Variants in ARHGAP6 observed in about 807,000 individuals in gnomAD.
ARHGAP6 encodes the protein Rho GTPase activating protein 6.
Under a neutral mutation model 55.7 loss-of-function variants are expected in ARHGAP6, and 16 were observed. The ratio of observed to expected loss-of-function variants is 0.29; its 90% CI spans 0.19 to 0.44. ARHGAP6 has a LOEUF of 0.44. Ranked by LOEUF, ARHGAP6 falls within the 20% of genes least tolerant of loss-of-function variation. ARHGAP6 has a pLI of 1.00. For synonymous variants in ARHGAP6, 382 were observed against 360.9 expected (o/e 1.06, Z -0.66); for missense variants, 698 against 808.9 (o/e 0.86, Z 1.66).
Position 11,254,666 on chromosome X carries a change from C to T in ARHGAP6, c.630G>A (p.Arg210=). 8.3e-7 allele frequency: 1 copy of T among 1,202,573 alleles called. No individual in the cohort carries two copies. Among genetic ancestry groups the T allele is most frequent in the Non-Finnish European group, 1.1e-6 (1 of 892,249 alleles). The change falls in exon 2 of 13, where the codon CGG becomes CGA. Residue 210 remains arginine, a synonymous_variant. Coordinates refer to ENST00000337414, the MANE Select transcript of ARHGAP6 (RefSeq NM_013427.3). The stretch of plus-strand genomic sequence containing the variant: ...GACTCTGGATGGGGACTGACCTCAG[C>T]CGTACACTGCGGCCTGACATGCTGT... ...TWNSMSGRSV[R]LRSVPIQSLS... is the part of the protein sequence containing the mutation.
rs144173586 is a variant in ARHGAP6, at chrX:11,382,934, A to G, written c.589-128227T>C. On this transcript the variant is annotated intron_variant, in intron 1 of 12. Coordinates refer to ENST00000337414, the MANE Select transcript of ARHGAP6 (RefSeq NM_013427.3). ...CTGTTAGAAATTTACCTCAATGGAGAAGTGGATGTGGCATCTCTAGTCACA... is the reference window on the plus strand; with the variant it reads ...CTGTTAGAAATTTACCTCAATGGAGGAGTGGATGTGGCATCTCTAGTCACA... 1.4e-3 allele frequency among the ~76,000 whole-genome samples: 162 copies of G among 112,493 alleles called. 2 individuals carry two copies. The highest frequency in any genetic ancestry group is 9.2e-3 in the Middle Eastern group (2 of 218).
chrX:11,472,997 G>A (rs1035257379), intron 1 of ARHGAP6, among the ~76,000 whole-genome samples: 1 of 110,867 alleles, frequency 9.0e-6, no homozygotes, highest in Non-Finnish European at 1.9e-5. Flanking sequence ...ACCCCTGACC[G>A]CTGCCCTAGT....
intron 1 of ARHGAP6, among the ~76,000 whole-genome samples, chrX:11,614,400 A>C (rs2052138851): frequency 9.0e-6 from 1 of 111,731 alleles, no homozygotes; most frequent in South Asian, 3.8e-4. Flanking sequence ...CCATTCATGG[A>C]GGAAGGTGAA....
At chrX:11,347,088 A>G (rs778636925) in intron 1 of ARHGAP6, among the ~76,000 whole-genome samples, 1 of 112,610 alleles carries the variant, frequency 8.9e-6, no homozygotes, top group Admixed American at 9.4e-5. Context: ...TTTTACTTAT[A>G]TACCTATTTG....
At chrX:11,452,203 A>G (rs1478701326) in intron 1 of ARHGAP6, among the ~76,000 whole-genome samples, 2 of 112,405 alleles carry the variant, frequency 1.8e-5, no homozygotes, top group African/African-American at 6.5e-5. Flanking sequence ...TATGGAGTGC[A>G]GTGGCACGAT....
At chrX:11,325,693 A>G (rs2048488737) in intron 1 of ARHGAP6, among the ~76,000 whole-genome samples, 1 of 112,442 alleles carries the variant, frequency 8.9e-6, no homozygotes, top group African/African-American at 3.2e-5. Context: ...CCTCATTTGA[A>G]AGAGAAAAAC....
chrX:11,635,819 G>A (rs995077276), intron 1 of ARHGAP6, among the ~76,000 whole-genome samples: 2 of 111,851 alleles, frequency 1.8e-5, no homozygotes, highest in Admixed American at 9.5e-5. Context: ...CACTTTGGGC[G>A]TTGCAATATA....
chrX:11,454,391 G>T lies in ARHGAP6; in HGVS notation c.589-199684C>A, dbSNP rs772132420. Among the ~76,000 whole-genome samples, 21 of 111,477 alleles carry T rather than the reference G, an allele frequency of 1.9e-4. No homozygotes were observed. The East Asian group carries it at 4.5e-3, about 24-fold the overall frequency. On this transcript the variant is annotated intron_variant, in intron 1 of 12. Transcript: ENST00000337414. ...AAATACTTTCCTTGAAGCATTCAGA[G>T]TAAAGAAAAAGAGAAAGGACACCTA...
chrX:11,221,814 T>C (rs1320077717), intron 2 of ARHGAP6, among the ~76,000 whole-genome samples: 1 of 111,296 alleles, frequency 9.0e-6, no homozygotes, highest in East Asian at 2.8e-4. Flanking sequence ...GTTATTTTGT[T>C]ATTTTGTATT....
intron 1 of ARHGAP6, among the ~76,000 whole-genome samples, chrX:11,572,416 C>T (rs1295113976): frequency 9.1e-6 from 1 of 109,780 alleles, no homozygotes. Context: ...TCAATTTCCA[C>T]CTATGAGTGA....
chrX:11,377,598 AT>A (rs2049216080), intron 1 of ARHGAP6, among the ~76,000 whole-genome samples: 1 of 112,288 alleles, frequency 8.9e-6, no homozygotes, highest in Non-Finnish European at 1.9e-5. Context: ...TTTTAAAAAG[AT>A]TATATCAATT....
rs1042481007 is a variant in ARHGAP6, at chrX:11,138,768, A to G, written c.*95T>C. 1.4e-5 allele frequency: 13 copies of G among 936,123 alleles called. No homozygotes were observed. The South Asian group carries it at 2.8e-4, about 20-fold the overall frequency. 77.1% of individuals were successfully genotyped at this position (936,123 alleles called of 1,213,427 possible). A position where few individuals can be genotyped will look rare whatever the true frequency, so the allele number is the denominator to read the frequency against. On this transcript the variant is annotated 3_prime_UTR_variant, in exon 13 of 13. Coordinates refer to ENST00000337414, the MANE Select transcript of ARHGAP6 (RefSeq NM_013427.3). Reference sequence around the variant, plus strand: ...GTGTCACTTTTGAGAAGTGTGAAAGAAGAACACTAAGTGTGCCAGTGGCCA... The same window carrying G: ...GTGTCACTTTTGAGAAGTGTGAAAGGAGAACACTAAGTGTGCCAGTGGCCA...
chrX:11,344,976 G>T (rs1323223575), intron 1 of ARHGAP6, among the ~76,000 whole-genome samples: 4 of 112,021 alleles, frequency 3.6e-5, no homozygotes, highest in African/African-American at 9.7e-5. Flanking sequence ...TATGTTAAAG[G>T]CAGCAGAGAA....
chrX:11,200,130 A>AT (rs2046598732), intron 2 of ARHGAP6, among the ~76,000 whole-genome samples: 1 of 112,690 alleles, frequency 8.9e-6, no homozygotes, highest in Non-Finnish European at 1.9e-5. Flanking sequence ...TTTTAAAGAA[A>AT]TGCAAGCTCC....
At chrX:11,373,120 C>CAT (rs1411343076) in intron 1 of ARHGAP6, among the ~76,000 whole-genome samples, 25 of 67,671 alleles carry the variant, frequency 3.7e-4, no homozygotes, top group South Asian at 2.3e-3. Flanking sequence ...CACACACACA[C>CAT]ATATATATAT....
intron 1 of ARHGAP6, among the ~76,000 whole-genome samples, chrX:11,377,706 T>G (rs1310017034): frequency 9.0e-6 from 1 of 111,649 alleles, no homozygotes; most frequent in Admixed American, 9.6e-5. Flanking sequence ...GTAGTAGAAT[T>G]TGCTACCATT....
intron 1 of ARHGAP6, among the ~76,000 whole-genome samples, chrX:11,438,794 G>A (rs186650261): frequency 8.9e-6 from 1 of 112,561 alleles, no homozygotes; most frequent in African/African-American, 3.2e-5. Flanking sequence ...ACTGAAAAAT[G>A]AGAAATTCTT....
chrX:11,638,976 G>A (rs1234505971), intron 1 of ARHGAP6, among the ~76,000 whole-genome samples: 1 of 110,999 alleles, frequency 9.0e-6, no homozygotes, highest in African/African-American at 3.3e-5. Flanking sequence ...TAGCTAATCT[G>A]AAAATTGGAG....
chrX:11,174,627 C>CTTTCTTTCTTTCTCTTTCT (rs2046166230), intron 8 of ARHGAP6, among the ~76,000 whole-genome samples: 9 of 10,735 alleles, frequency 8.4e-4, no homozygotes, highest in African/African-American at 1.3e-3. Context: ...TCTTTCTTTT[C>CTTTCTTTCTTTCTCTTTCT]TTTCTTTCTT....
Sources: gnomAD v4.1 joint callset for allele counts (sites outside exome capture counted in the v4.1 genomes callset) on GRCh38, gnomAD v4.1.1 for gene constraint, MANE v1.5 for transcripts, NCBI Gene and HGNC (gene_info 2026-07-23, HGNC 2026-07-21) for gene names.